Variants in CAST observed in about 807,000 individuals in gnomAD.
The protein encoded by CAST is calpastatin, also known as MIR583 host.
A neutral mutation model predicts 119.6 loss-of-function variants in CAST; 76 were observed. That is an observed-to-expected ratio of 0.64 (90% CI 0.53 to 0.77). The LOEUF (loss-of-function observed/expected upper bound fraction) is 0.77. Among genes scored for constraint, CAST ranks in the 30% least tolerant of loss-of-function variants. CAST has a pLI of 0.00. For synonymous variants in CAST, 319 were observed against 331.6 expected, an observed-to-expected ratio of 0.96 and a Z score of 0.41; for missense variants, 953 against 946.5, an observed-to-expected ratio of 1.01 and a Z score of -0.09.
At chr5:96,677,584 T>C (rs889107894) in intron 2 of CAST, among the ~76,000 whole-genome samples, 1 of 152,248 alleles carries the variant, frequency 6.6e-6, no homozygotes, top group Admixed American at 6.5e-5. Flanking sequence ...ATTTTTCTTT[T>C]CTTTATTGGC....
intron 1 of CAST, among the ~76,000 whole-genome samples, chr5:96,583,846 C>G (rs776045080): frequency 1.1e-4 from 16 of 152,122 alleles, no homozygotes; most frequent in Non-Finnish European, 1.6e-4. Context: ...CTAGTGAGAA[C>G]CAAGGTATTG....
chr5:96,699,623 G>A (rs1037764817), intron 3 of CAST, among the ~76,000 whole-genome samples: 2 of 152,162 alleles, frequency 1.3e-5, no homozygotes, highest in Admixed American at 6.5e-5. Flanking sequence ...GCCTGCACAC[G>A]TTGCTCACTT....
the CAST span, among the ~76,000 whole-genome samples, chr5:96,252,706 A>G: frequency 1.3e-5 from 2 of 152,186 alleles, no homozygotes; most frequent in Admixed American, 1.3e-4. Context: ...TATTATAACA[A>G]CATTAGGTGA....
the CAST span, among the ~76,000 whole-genome samples, chr5:96,394,311 C>A: frequency 2.8e-4 from 42 of 152,174 alleles, no homozygotes; most frequent in Non-Finnish European, 5.7e-4. Context: ...GGAATGTGAA[C>A]GACTTATTTT....
chr5:95,983,815 C>T, the CAST span, among the ~76,000 whole-genome samples: 1 of 152,134 alleles, frequency 6.6e-6, no homozygotes, highest in Non-Finnish European at 1.5e-5. Flanking sequence ...TCTTTTCAGA[C>T]TTCTAATTTG....
the CAST span, among the ~76,000 whole-genome samples, chr5:96,203,072 A>G: frequency 6.6e-6 from 1 of 151,574 alleles, no homozygotes; most frequent in Admixed American, 6.6e-5. Flanking sequence ...CTTGACATCT[A>G]TTTTCTGTTT....
At chr5:96,330,814 T>C in the CAST span, among the ~76,000 whole-genome samples, 1 of 152,126 alleles carries the variant, frequency 6.6e-6, no homozygotes, top group African/African-American at 2.4e-5. Context: ...TTCCCTTCTT[T>C]TGAGAAGGTA....
the CAST span, among the ~76,000 whole-genome samples, chr5:96,308,562 T>C: frequency 6.6e-6 from 1 of 152,124 alleles, no homozygotes; most frequent in Admixed American, 6.5e-5. Flanking sequence ...TTCAGCCTTT[T>C]TGCGCTGGTT....
At chr5:96,446,239 T>C in the CAST span, among the ~76,000 whole-genome samples, 1 of 152,210 alleles carries the variant, frequency 6.6e-6, no homozygotes, top group African/African-American at 2.4e-5. Flanking sequence ...ACCCCTCATT[T>C]GGTCTACATA....
chr5:96,075,152 C>G, the CAST span, among the ~76,000 whole-genome samples: 1 of 152,178 alleles, frequency 6.6e-6, no homozygotes, highest in Non-Finnish European at 1.5e-5. Context: ...GTCACCTCTT[C>G]TAATATATGT....
At chr5:96,523,875 T>C (rs899132722), upstream of CAST, among the ~76,000 whole-genome samples, 2 of 152,300 alleles carry the variant, frequency 1.3e-5, no homozygotes, top group South Asian at 2.1e-4. Context: ...TAACCTCCCA[T>C]TGGGCAAAAC....
At chr5:96,130,770 A>G in the CAST span, among the ~76,000 whole-genome samples, 8 of 152,098 alleles carry the variant, frequency 5.3e-5, no homozygotes, top group African/African-American at 1.9e-4. Flanking sequence ...TGACCATAAA[A>G]TTTAACCAAC....
chr5:96,539,872 C>T (rs891651514), intron 1 of CAST, among the ~76,000 whole-genome samples: 1 of 152,054 alleles, frequency 6.6e-6, no homozygotes, highest in South Asian at 2.1e-4. Flanking sequence ...TTAAGTCTAC[C>T]ACCTTGTTTT....
chr5:96,483,497 TTAA>T, the CAST span, among the ~76,000 whole-genome samples: 6 of 152,186 alleles, frequency 3.9e-5, no homozygotes, highest in Non-Finnish European at 8.8e-5. Flanking sequence ...AAACACTAAA[TTAA>T]TAATGATTTA....
Position 96,737,955 on chromosome 5 carries a change from A to T in CAST, c.798+8A>T. 1 of 1,463,280 alleles carries T rather than the reference A, an allele frequency of 6.8e-7. No individual in the cohort carries two copies. Among genetic ancestry groups the T allele is most frequent in the South Asian group, 1.1e-5 (1 of 87,412 alleles). The allele number at this position is 1,463,280 out of a possible 1,614,324, so 90.6% of individuals were successfully genotyped here. The stretch of plus-strand genomic sequence containing the variant: ...ACTGGACCAGAAGTTTCAGTATGTG[A>T]TCATGATATCTGTAAAAATTCATAC... On this transcript the variant is annotated splice_region_variant and intron_variant, in intron 11 of 31. Coordinates refer to ENST00000675179, the MANE Select transcript of CAST (RefSeq NM_001750.7).
At chr5:96,624,801 C>T (rs796436136) in intron 1 of CAST, among the ~76,000 whole-genome samples, 9 of 152,300 alleles carry the variant, frequency 5.9e-5, no homozygotes, top group African/African-American at 2.2e-4. Flanking sequence ...TATGAACCAG[C>T]GCCATTTAAT....
At chr5:96,475,996 A>G in the CAST span, among the ~76,000 whole-genome samples, 3 of 152,206 alleles carry the variant, frequency 2.0e-5, no homozygotes, top group Admixed American at 1.3e-4. Context: ...CCCTTCATAT[A>G]CCAGGACTCC....
the CAST span, among the ~76,000 whole-genome samples, chr5:96,348,302 T>G: frequency 6.6e-6 from 1 of 151,986 alleles, no homozygotes; most frequent in Admixed American, 6.6e-5. Context: ...AAGGGAATAT[T>G]TTATTCTACT....
chr5:96,054,191 T>G, the CAST span, among the ~76,000 whole-genome samples: 1 of 152,172 alleles, frequency 6.6e-6, no homozygotes, highest in Non-Finnish European at 1.5e-5. Flanking sequence ...ATAGCTCTGA[T>G]TATGAGGGCC....
Sources: allele counts gnomAD v4.1 joint callset (sites outside exome capture counted in the v4.1 genomes callset), GRCh38; gene constraint gnomAD v4.1.1; transcripts MANE v1.5; gene names NCBI Gene and HGNC (gene_info 2026-07-23, HGNC 2026-07-21).